Variants in ATP7B observed in about 807,000 individuals in gnomAD.
ATP7B encodes ATPase copper transporting beta.
Under a neutral mutation model 118.9 loss-of-function variants are expected in ATP7B, and 113 were observed. The ratio of observed to expected loss-of-function variants is 0.95; its 90% CI spans 0.82 to 1.11. ATP7B has a LOEUF of 1.11. Among genes scored for constraint, ATP7B ranks in the 50% most tolerant of loss-of-function variants. The pLI, the probability that ATP7B is intolerant of heterozygous loss-of-function variation, is 0.00. For synonymous variants in ATP7B, 777 were observed against 727.4 expected (o/e 1.07, Z -1.10); for missense variants, 1,867 against 1,871.4 (o/e 1.00, Z 0.04).
intron 4 of ATP7B, among the ~76,000 whole-genome samples, chr13:51,966,576 T>G (rs1250632867): frequency 6.6e-6 from 1 of 152,242 alleles, no homozygotes; most frequent in African/African-American, 2.4e-5. Flanking sequence ...GGTCAGCACT[T>G]CCTAGAAGAC....
chr13:51,970,504 G>A lies in ATP7B; in HGVS notation c.1531C>T (p.Gln511Ter), dbSNP rs1449610384. ...SCVSNIERNL[Q>*]KEAGVLSVLV... is the part of the protein sequence containing the mutation. ...GTTCATCTCTTACCAGCTTCTTTCT[G>A]CAGATTCCTTTCTATGTTAGACACA... Residue 511 changes from glutamine to a stop codon, truncating the protein, a stop_gained, in exon 3 of 21, where the codon CAG (glutamine) becomes TAG (stop). Coordinates refer to ENST00000242839, the MANE Select transcript of ATP7B (RefSeq NM_000053.4). LOFTEE classifies it high-confidence loss of function. 2 of 1,614,146 alleles carry A rather than the reference G, an allele frequency of 1.2e-6. No homozygotes were observed. The highest frequency in any genetic ancestry group is 4.5e-5 in the East Asian group (2 of 44,878).
chr13:51,964,081 C>A (rs1347998686), intron 5 of ATP7B, among the ~76,000 whole-genome samples: 1 of 150,812 alleles, frequency 6.6e-6, no homozygotes, highest in Non-Finnish European at 1.5e-5. Context: ...CTTTCCCAGG[C>A]CACATAACAG....
chr13:51,947,923 A>T (rs1021326018), intron 12 of ATP7B: 7 of 152,236 alleles, frequency 4.6e-5, no homozygotes, highest in African/African-American at 9.7e-5. Flanking sequence ...AAAGGCATGG[A>T]ACAGCAGAAA....
chr13:51,938,531 C>T (rs1248003680), intron 17 of ATP7B, among the ~76,000 whole-genome samples: 1 of 152,214 alleles, frequency 6.6e-6, no homozygotes, highest in East Asian at 1.9e-4. Context: ...AAGCCTAGAG[C>T]TCTGCACACA....
Position 51,957,227 on chromosome 13 carries a change from C to A in ATP7B, c.2447+289G>T, listed in dbSNP as rs3825526. Among the ~76,000 whole-genome samples, 54,430 of 152,056 alleles carry A rather than the reference C, an allele frequency of 0.36. 11,385 individuals carry two copies. The highest frequency in any genetic ancestry group is 0.47 in the Non-Finnish European group (32,253 of 67,954). On this transcript the variant is annotated intron_variant, in intron 9 of 20. Coordinates refer to ENST00000242839, the MANE Select transcript of ATP7B (RefSeq NM_000053.4). ...GAAGGCCTAATTCATACTCTATGTT[C>A]TCTGTGAAGTTTCCCTTGACCAACA... is the stretch of plus-strand genomic sequence containing the variant.
chr13:51,982,029 A>G (rs1952448295), intron 1 of ATP7B, among the ~76,000 whole-genome samples: 1 of 142,668 alleles, frequency 7.0e-6, no homozygotes, highest in South Asian at 2.2e-4. Flanking sequence ...TTTTTAGCTC[A>G]TCATCTATTA....
In ATP7B at chr13:51,943,544, C is replaced by T. The variant is rs577486442; in HGVS notation, c.3243+565G>A. Among the ~76,000 whole-genome samples, 124 of 152,162 alleles carry T rather than the reference C, an allele frequency of 8.1e-4. 1 individual carries two copies. Among genetic ancestry groups the T allele is most frequent in the Non-Finnish European group, 1.5e-3 (103 of 68,028 alleles). On this transcript the variant is annotated intron_variant, in intron 14 of 20. Coordinates refer to ENST00000242839, the MANE Select transcript of ATP7B (RefSeq NM_000053.4). ...GTTGTCAGGGCAATATTCTGTGTGA[C>T]GCGTTCTGCTGCCCCTATATTCAGA...
chr13:51,977,177 T>G (rs564058525), intron 1 of ATP7B, among the ~76,000 whole-genome samples: 1 of 151,996 alleles, frequency 6.6e-6, no homozygotes, highest in East Asian at 1.9e-4. Flanking sequence ...ACAATAATAA[T>G]AATTTATTAA....
intron 5 of ATP7B, among the ~76,000 whole-genome samples, chr13:51,962,990 G>A (rs145935271): frequency 1.1e-4 from 16 of 152,046 alleles, no homozygotes; most frequent in African/African-American, 3.6e-4. Flanking sequence ...TACTCGGGAG[G>A]CTGAGGCAGG....
intron 9 of ATP7B, among the ~76,000 whole-genome samples, chr13:51,951,505 G>A (rs1328566129): frequency 6.6e-6 from 1 of 152,154 alleles, no homozygotes; most frequent in African/African-American, 2.4e-5. Context: ...GAGGTCAGAG[G>A]TAGAGAACAA....
Position 51,978,174 on chromosome 13 carries a change from T to A in ATP7B, c.52-3006A>T, listed in dbSNP as rs541864691. Among the ~76,000 whole-genome samples the A allele has an allele frequency of 2.0e-3, 301 of 151,996 alleles. 2 individuals are homozygous for A. The highest frequency in any genetic ancestry group is 3.7e-3 in the Non-Finnish European group (249 of 67,946). ...AACTAAACACAATAAGGACAAAAAATTATTCAAATGAAGTCAAAAGATAAA... is the reference window on the plus strand; with the variant it reads ...AACTAAACACAATAAGGACAAAAAAATATTCAAATGAAGTCAAAAGATAAA... On this transcript the variant is annotated intron_variant, in intron 1 of 20. Transcript: ENST00000242839.
At chr13:51,949,621 T>C in intron 12 of ATP7B, 41 bp downstream of exon 12, 1 of 1,608,168 alleles carries the variant, frequency 6.2e-7, no homozygotes, top group Non-Finnish European at 8.5e-7. Context: ...AGTAGATTAT[T>C]TAAAACACAA....
At chr13:51,958,601 G>C in intron 7 of ATP7B, 57 bp from the exon 8 acceptor site, 2 of 1,492,366 alleles carry the variant, frequency 1.3e-6, no homozygotes, top group Non-Finnish European at 1.9e-6. Flanking sequence ...TTCAATGAGC[G>C]ACACAGGGCC....
chr13:52,010,186 A>C (rs1413191789), intron 1 of ATP7B, among the ~76,000 whole-genome samples: 1 of 152,172 alleles, frequency 6.6e-6, no homozygotes, highest in Non-Finnish European at 1.5e-5. Context: ...ATGCATAGTC[A>C]TCATACCCTA....
chr13:51,962,058 A>G (rs1451426993), intron 5 of ATP7B, 145 bp from the exon 6 acceptor site: 2 of 676,476 alleles, frequency 3.0e-6, no homozygotes, highest in Non-Finnish European at 5.2e-6. Flanking sequence ...TCTGCTTACA[A>G]CTTCTTTACC....
In ATP7B at chr13:51,957,899, C is replaced by T. The variant is rs1958460939; in HGVS notation, c.2356-292G>A. On this transcript the variant is annotated intron_variant, in intron 8 of 20. Transcript: ENST00000242839. ...TTTTCTTTTAGGTTCAATCTAATTTCTTTTAGGGCCTGAGTTCCATTCTCT... is the reference window on the plus strand; with the variant it reads ...TTTTCTTTTAGGTTCAATCTAATTTTTTTTAGGGCCTGAGTTCCATTCTCT... The T allele has an allele frequency of 6.2e-6, 3 of 483,198 alleles. No homozygotes were observed. In the South Asian group the frequency reaches 6.3e-5, roughly 10 times the overall value. 29.9% of individuals were successfully genotyped at this position (483,198 alleles called of 1,614,324 possible). A position where few individuals can be genotyped will look rare whatever the true frequency, so the allele number is the denominator to read the frequency against.
chr13:51,942,123 C>T (rs1212407801), intron 15 of ATP7B, among the ~76,000 whole-genome samples: 3 of 152,120 alleles, frequency 2.0e-5, no homozygotes, highest in Admixed American at 6.5e-5. Flanking sequence ...GAAGCAAGAC[C>T]GATATGGGAT....
chr13:51,989,860 C>A (rs1952828001), intron 1 of ATP7B, among the ~76,000 whole-genome samples: 1 of 152,084 alleles, frequency 6.6e-6, no homozygotes, highest in Admixed American at 6.5e-5. Context: ...GTATTTCAAG[C>A]CTTTCCCAAC....
chr13:52,004,495 A>G (rs571130788), intron 1 of ATP7B, among the ~76,000 whole-genome samples: 2 of 152,358 alleles, frequency 1.3e-5, no homozygotes, highest in South Asian at 4.1e-4. Flanking sequence ...TATAAACAGT[A>G]AAACAAAGCT....
Sources: gnomAD v4.1 joint callset for allele counts (sites outside exome capture counted in the v4.1 genomes callset) on GRCh38, gnomAD v4.1.1 for gene constraint, MANE v1.5 for transcripts, NCBI Gene and HGNC (gene_info 2026-07-23, HGNC 2026-07-21) for gene names.